Variants in DDX31 observed in about 807,000 individuals in gnomAD.
DDX31 encodes the protein DEAD-box helicase 31, also known as ATP-dependent DNA helicase DDX31.
Under a neutral mutation model 91.3 loss-of-function variants are expected in DDX31, and 70 were observed. The ratio of observed to expected loss-of-function variants is 0.77; its 90% CI spans 0.63 to 0.94. The LOEUF (loss-of-function observed/expected upper bound fraction) is 0.94, where lower values mean the gene tolerates loss of function less well. Among genes scored for constraint, DDX31 ranks in the 40% least tolerant of loss-of-function variants. The pLI is 0.00. For missense variants in DDX31, 902 were observed against 925.0 expected, an observed-to-expected ratio of 0.98 and a Z score of 0.32; for synonymous variants, 362 against 350.6, an observed-to-expected ratio of 1.03 and a Z score of -0.36.
chr9:132,648,599 C>A (rs548129877), intron 9 of DDX31, 48 bp from the exon 10 acceptor site: 1 of 1,563,468 alleles, frequency 6.4e-7, no homozygotes, highest in African/African-American at 1.4e-5. Context: ...AACAGGGCCA[C>A]GCCAGTAGAA....
chr9:132,611,272 G>GC (rs926166204), intron 19 of DDX31, among the ~76,000 whole-genome samples: 14 of 152,190 alleles, frequency 9.2e-5, no homozygotes, highest in African/African-American at 3.4e-4. Context: ...AAGTCTCTGT[G>GC]CCCCAAACAT....
At chr9:132,645,852 T>C (rs1444903966) in intron 13 of DDX31, 43 bp downstream of exon 13, 1 of 1,573,662 alleles carries the variant, frequency 6.4e-7, no homozygotes. Flanking sequence ...CATCTCCACG[T>C]GGGGCCGCAG....
intron 17 of DDX31, among the ~76,000 whole-genome samples, chr9:132,625,106 G>A (rs1395915973): frequency 6.6e-6 from 1 of 152,190 alleles, no homozygotes; most frequent in Non-Finnish European, 1.5e-5. Flanking sequence ...AAGAGAAGGA[G>A]CAGGAAAGGG....
chr9:132,594,656 G>A lies in DDX31; in HGVS notation c.*210C>T, dbSNP rs183529459. On this transcript the variant is annotated 3_prime_UTR_variant, in exon 20 of 20. Transcript: ENST00000372159. ...ACACAGACCCCTTCCGTCGGGAGCT[G>A]GCTAGTCTCTACAGTGCCCCACACC... 361 of 731,516 alleles carry A rather than the reference G, an allele frequency of 4.9e-4. 1 individual carries two copies. The African/African-American group carries it at 6.0e-3, about 12-fold the overall frequency. The allele number at this position is 731,516 out of a possible 1,614,324, so 45.3% of individuals were successfully genotyped here.
In DDX31 at chr9:132,646,983, A is replaced by G. The variant is rs1231130767; in HGVS notation, c.1043T>C (p.Leu348Ser). 14 of 1,614,112 alleles carry G rather than the reference A, an allele frequency of 8.7e-6. No homozygotes were observed. Among genetic ancestry groups the G allele is most frequent in the Non-Finnish European group, 1.2e-5 (14 of 1,180,044 alleles). Residue 348 changes from leucine to serine, a missense_variant, in exon 12 of 20, where the codon TTG (leucine) becomes TCG (serine). Leu to Ser is a moderately radical substitution (Grantham distance 145, BLOSUM62 -2). Coordinates refer to ENST00000372159, the MANE Select transcript of DDX31 (RefSeq NM_022779.9). Reference sequence around the variant, plus strand: ...CTGGACCGCTTTGTCCTTTGGGTTCAACTGGTCATGGCTCTTGTCCAGGAC... The same window carrying G: ...CTGGACCGCTTTGTCCTTTGGGTTCGACTGGTCATGGCTCTTGTCCAGGAC... ...ISVLDKSHDQ[L>S]NPKDKAVQEV...
rs747338832 is a variant in DDX31, at chr9:132,594,849, G to A, written c.*17C>T. 1.2e-5 allele frequency: 20 copies of A among 1,608,842 alleles called. No homozygotes were observed. The highest frequency in any genetic ancestry group is 7.7e-5 in the South Asian group (7 of 90,908). The stretch of plus-strand genomic sequence containing the variant: ...CACCCGGGGCTTCCAGGTTCCACTC[G>A]AAGACCCAGAGAGATTTTAAACTTT... On this transcript the variant is annotated 3_prime_UTR_variant, in exon 20 of 20. Coordinates refer to ENST00000372159, the MANE Select transcript of DDX31 (RefSeq NM_022779.9).
chr9:132,629,431 G>A (rs1342550044), intron 16 of DDX31, among the ~76,000 whole-genome samples: 1 of 152,206 alleles, frequency 6.6e-6, no homozygotes, highest in Non-Finnish European at 1.5e-5. Flanking sequence ...ACTAGCATGA[G>A]AGGCAGAGTT....
chr9:132,669,642 C>A, intron 1 of DDX31: 1 of 1,531,508 alleles, frequency 6.5e-7, no homozygotes, highest in East Asian at 2.5e-5. Flanking sequence ...CGCCCCTCCA[C>A]ACCGCTCCAC....
intron 18 of DDX31, among the ~76,000 whole-genome samples, chr9:132,614,047 C>G (rs1287762535): frequency 6.6e-6 from 1 of 152,206 alleles, no homozygotes; most frequent in Non-Finnish European, 1.5e-5. Context: ...CGCTTCCTCA[C>G]TCTCCTTGTT....
At chr9:132,632,250 A>ACACACACACACACACACACAGTCCTG (rs1564305580) in intron 14 of DDX31, among the ~76,000 whole-genome samples, 159 bp from the exon 15 acceptor site, 8 of 90,168 alleles carry the variant, frequency 8.9e-5, no homozygotes, top group Non-Finnish European at 1.6e-4. Context: ...GTACACACAC[A>ACACACACACACACACACACAGTCCTG]CACACACACA....
chr9:132,614,228 T>C (rs919248021), intron 18 of DDX31, among the ~76,000 whole-genome samples: 31 of 152,130 alleles, frequency 2.0e-4, no homozygotes, highest in Admixed American at 3.3e-4. Context: ...GAACTCCTTT[T>C]CCCAATCGAT....
intron 19 of DDX31, among the ~76,000 whole-genome samples, chr9:132,606,098 C>A (rs1831003537): frequency 2.0e-5 from 3 of 152,184 alleles, no homozygotes; most frequent in Admixed American, 6.5e-5. Flanking sequence ...TAGATAAGCA[C>A]TGACTCAGGT....
intron 6 of DDX31, among the ~76,000 whole-genome samples, chr9:132,656,607 C>T (rs1228067715): frequency 1.3e-5 from 2 of 152,192 alleles, no homozygotes; most frequent in Non-Finnish European, 2.9e-5. Flanking sequence ...AGAGGATGAA[C>T]AATTTGCCTC....
Position 132,625,668 on chromosome 9 carries a change from G to A in DDX31, c.1709C>T (p.Ala570Val), listed in dbSNP as rs1207333130. ...ACAATAAATAACAAAACTCACCTGG[G>A]CTCCCCATCGTTTCCCTTTAAAACA... is the stretch of plus-strand genomic sequence containing the variant. Reference protein sequence around the residue: ...DDCFKGKRWGAQKSHAVGPQE... With the variant: ...DDCFKGKRWGVQKSHAVGPQE... The change falls in exon 17 of 20, where the codon GCC becomes GTC. Residue 570 changes from alanine to valine, a missense_variant. Ala to Val is a moderately conservative substitution (Grantham distance 64). Coordinates refer to ENST00000372159, the MANE Select transcript of DDX31 (RefSeq NM_022779.9). 2 of 1,613,332 alleles carry A rather than the reference G, an allele frequency of 1.2e-6. No homozygotes were observed. Among genetic ancestry groups the A allele is most frequent in the Non-Finnish European group, 1.7e-6 (2 of 1,179,454 alleles).
chr9:132,629,376 G>A (rs542979731), intron 16 of DDX31, among the ~76,000 whole-genome samples: 17 of 152,208 alleles, frequency 1.1e-4, no homozygotes, highest in Admixed American at 6.5e-5. Flanking sequence ...GCCTCAGTCC[G>A]TAAGTGTTCA....
chr9:132,640,150 G>C (rs1833400777), intron 14 of DDX31, among the ~76,000 whole-genome samples: 1 of 152,232 alleles, frequency 6.6e-6, no homozygotes, highest in Admixed American at 6.5e-5. Context: ...AAGGCACGCA[G>C]ACCAGGTGGG....
intron 4 of DDX31, among the ~76,000 whole-genome samples, chr9:132,660,349 A>G (rs1384593415): frequency 1.3e-5 from 2 of 151,794 alleles, no homozygotes; most frequent in Non-Finnish European, 2.9e-5. Flanking sequence ...AAAAAAAAAA[A>G]AAAGAAAAAG....
chr9:132,669,103 T>A (rs1405097520), intron 1 of DDX31, among the ~76,000 whole-genome samples: 1 of 152,204 alleles, frequency 6.6e-6, no homozygotes, highest in South Asian at 2.1e-4. Flanking sequence ...AAGTCTTTAG[T>A]GGCTGCCCTT....
At chr9:132,627,915 A>G (rs371621619) in intron 16 of DDX31, among the ~76,000 whole-genome samples, 115 of 152,282 alleles carry the variant, frequency 7.6e-4, no homozygotes, top group African/African-American at 2.7e-3. Context: ...AAACATGCAC[A>G]TGCTTCCTCC....
Sources: allele counts gnomAD v4.1 joint callset (sites outside exome capture counted in the v4.1 genomes callset), GRCh38; gene constraint gnomAD v4.1.1; transcripts MANE v1.5; gene names NCBI Gene and HGNC (gene_info 2026-07-23, HGNC 2026-07-21).